Variants in METTL22 observed in about 807,000 individuals in gnomAD.
METTL22 encodes methyltransferase 22, Kin17 lysine.
A neutral mutation model predicts 48.4 loss-of-function variants in METTL22; 51 were observed. The observed-to-expected ratio is 1.05, with a 90% CI of 0.84 to 1.33. The LOEUF is 1.33. Ranked by LOEUF, METTL22 falls within the 40% of genes most tolerant of loss-of-function variation. The pLI is 0.00. For synonymous variants in METTL22, 255 were observed against 214.1 expected (o/e 1.19, Z -1.67); for missense variants, 678 against 526.9 (o/e 1.29, Z -2.81).
intron 9 of METTL22, chr16:8,642,819 C>A: frequency 1.8e-6 from 1 of 551,350 alleles, no homozygotes; most frequent in Non-Finnish European, 3.3e-6. Flanking sequence ...GGGGCCTTGG[C>A]CAGGGCACGG....
the METTL22 span, among the ~76,000 whole-genome samples, chr16:8,661,502 C>T: frequency 4.9e-5 from 7 of 141,742 alleles, 1 homozygote; most frequent in South Asian, 9.3e-4. Flanking sequence ...AAATATTAGC[C>T]GGGCGTGGTG....
rs536720673 is a variant in METTL22, at chr16:8,640,477, C to G, written c.773-654C>G. Among the ~76,000 whole-genome samples, 257 of 148,346 alleles carry G rather than the reference C, an allele frequency of 1.7e-3. 1 individual carries two copies. Among genetic ancestry groups the G allele is most frequent in the African/African-American group, 6.2e-3 (249 of 40,082 alleles). On this transcript the variant is annotated intron_variant, in intron 6 of 10. Transcript: ENST00000381920. Reference sequence around the variant, plus strand: ...CCTGACACGTAGCACTCAAAAAATGCTGGAAGAATGGACGGATGGATGGAG... The same window carrying G: ...CCTGACACGTAGCACTCAAAAAATGGTGGAAGAATGGACGGATGGATGGAG...
chr16:8,661,931 G>A, the METTL22 span, among the ~76,000 whole-genome samples: 6 of 144,770 alleles, frequency 4.1e-5, 2 homozygotes, highest in African/African-American at 1.6e-4. Context: ...GAGGCTGTCT[G>A]AGGTCACAGG....
chr16:8,646,023 C>A (rs2056788903), intron 10 of METTL22, 85 bp from the exon 11 acceptor site: 4 of 1,597,298 alleles, frequency 2.5e-6, no homozygotes, highest in Non-Finnish European at 2.6e-6. Flanking sequence ...TAACTACTCT[C>A]CTTGGTGAAT....
chr16:8,651,407 A>G (rs1424375041), downstream of METTL22, among the ~76,000 whole-genome samples: 2 of 149,924 alleles, frequency 1.3e-5, no homozygotes, highest in African/African-American at 4.9e-5. Context: ...AAAAAAACAT[A>G]CTAAATGATC....
chr16:8,643,920 G>A (rs1293040682), intron 9 of METTL22, among the ~76,000 whole-genome samples: 7 of 152,114 alleles, frequency 4.6e-5, no homozygotes, highest in Non-Finnish European at 1.0e-4. Flanking sequence ...AGCATAGACT[G>A]TTCTTACTCC....
the METTL22 span, among the ~76,000 whole-genome samples, chr16:8,656,738 G>A: frequency 6.6e-6 from 1 of 152,252 alleles, no homozygotes; most frequent in Non-Finnish European, 1.5e-5. Context: ...ACTCCATTTT[G>A]TGCTGCTATA....
At chr16:8,650,343 C>G (rs2056876475), downstream of METTL22, among the ~76,000 whole-genome samples, 1 of 152,150 alleles carries the variant, frequency 6.6e-6, no homozygotes, top group African/African-American at 2.4e-5. Context: ...AAAAAAAAAC[C>G]CACCAACTCC....
chr16:8,657,058 C>G, the METTL22 span, among the ~76,000 whole-genome samples: 1 of 152,192 alleles, frequency 6.6e-6, no homozygotes, highest in African/African-American at 2.4e-5. Context: ...CCTCTTGATA[C>G]TGTTACAATA....
At chr16:8,625,852 C>G in intron 2 of METTL22, 54 bp downstream of exon 2, 1 of 1,599,216 alleles carries the variant, frequency 6.3e-7, no homozygotes, top group East Asian at 2.2e-5. Flanking sequence ...TCTGCTTTCT[C>G]ATACTCATCT....
At chr16:8,667,056 A>G in the METTL22 span, 2 of 151,506 alleles carry the variant, frequency 1.3e-5, no homozygotes, top group Admixed American at 1.3e-4. Context: ...TCAGCCCCCA[A>G]AAGTGCTGGG....
intron 3 of METTL22, among the ~76,000 whole-genome samples, chr16:8,629,523 C>T (rs1460886617): frequency 6.6e-6 from 1 of 152,088 alleles, no homozygotes; most frequent in Non-Finnish European, 1.5e-5. Context: ...CAGTAGGGAG[C>T]CATGGGAGGT....
At chr16:8,653,439 T>G (rs1279587293), downstream of METTL22, among the ~76,000 whole-genome samples, 1 of 152,202 alleles carries the variant, frequency 6.6e-6, no homozygotes, top group Non-Finnish European at 1.5e-5. Flanking sequence ...GTCAGGCCTA[T>G]CTGGCATTCA....
rs146033369 is a variant in METTL22 at position 8,633,515 on chromosome 16, A to C, written c.515-1524A>C. ...CAGCTACTCGAGAGGCTTAGGTGGC[A>C]GGGTCACTTGAGCCTGGGAGGTGGA... On this transcript the variant is annotated intron_variant, in intron 3 of 10. Coordinates refer to ENST00000381920, the MANE Select transcript of METTL22 (RefSeq NM_024109.4). Among the ~76,000 whole-genome samples the C allele has an allele frequency of 5.5e-3, 838 of 152,326 alleles. 12 individuals carry two copies. The highest frequency in any genetic ancestry group is 0.019 in the African/African-American group (810 of 41,584).
intron 3 of METTL22, chr16:8,631,612 A>G (rs2056266583): frequency 6.6e-6 from 1 of 152,206 alleles, no homozygotes; most frequent in African/African-American, 2.4e-5. Flanking sequence ...CCAAGCTGGG[A>G]GGAGGGAGAC....
At position 8,646,271 on chromosome 16, in the gene METTL22, A is replaced by G; in HGVS notation, c.*128A>G. The G allele has an allele frequency of 8.5e-7, 1 of 1,181,692 alleles. No homozygotes were observed. The highest frequency in any genetic ancestry group is 1.2e-6 in the Non-Finnish European group (1 of 811,182). 73.2% of individuals were successfully genotyped at this position (1,181,692 alleles called of 1,614,324 possible). A position where few individuals can be genotyped will look rare whatever the true frequency, so the allele number is the denominator to read the frequency against. On this transcript the variant is annotated 3_prime_UTR_variant, in exon 11 of 11. Coordinates refer to ENST00000381920, the MANE Select transcript of METTL22 (RefSeq NM_024109.4). ...AAAAATATGGTTACACGTACCTTAGATGACCCAAGATGGTTTTCTGGGGTC... is the reference window on the plus strand; with the variant it reads ...AAAAATATGGTTACACGTACCTTAGGTGACCCAAGATGGTTTTCTGGGGTC...
intron 10 of METTL22, among the ~76,000 whole-genome samples, chr16:8,645,531 T>C (rs568041510): frequency 4.8e-4 from 73 of 152,252 alleles, no homozygotes; most frequent in Non-Finnish European, 8.1e-4. Flanking sequence ...ATCCCAGCAC[T>C]CTGGGAGGCC....
intron 6 of METTL22, chr16:8,639,692 C>G (rs1481615468): frequency 1.2e-5 from 2 of 168,630 alleles, no homozygotes; most frequent in South Asian, 1.5e-4. Flanking sequence ...TCCCCCTGCG[C>G]AGATGGGCCT....
Position 8,625,571 on chromosome 16 carries a change from C to G in METTL22, c.-95C>G. On this transcript the variant is annotated 5_prime_UTR_variant, in exon 2 of 11. Transcript: ENST00000381920. Reference sequence around the variant, plus strand: ...CAAAGCTACTCGCTACCAGCTTGGACCTGTCTGCAGTATCTCCTCTGGGAC... The same window carrying G: ...CAAAGCTACTCGCTACCAGCTTGGAGCTGTCTGCAGTATCTCCTCTGGGAC... 7.7e-7 allele frequency: 1 copy of G among 1,301,922 alleles called. No individual in the cohort carries two copies. The highest frequency in any genetic ancestry group is 1.1e-6 in the Non-Finnish European group (1 of 942,316). The allele number at this position is 1,301,922 out of a possible 1,614,324, so 80.6% of individuals were successfully genotyped here. A position where few individuals can be genotyped will look rare whatever the true frequency, so the allele number is the denominator to read the frequency against.
Sources: gnomAD v4.1 joint callset for allele counts (sites outside exome capture counted in the v4.1 genomes callset) on GRCh38, gnomAD v4.1.1 for gene constraint, MANE v1.5 for transcripts, NCBI Gene and HGNC (gene_info 2026-07-23, HGNC 2026-07-21) for gene names.